SOX13: variants seen among roughly 807,000 people sequenced by gnomAD.
The protein encoded by SOX13 is SRY-box transcription factor 13.
Under a neutral mutation model 71.8 loss-of-function variants are expected in SOX13, and 28 were observed. The observed-to-expected ratio is 0.39, with a 90% CI of 0.29 to 0.53. The LOEUF is 0.53. SOX13 is among the 20% of genes least tolerant of loss of function. The pLI is 0.70. For missense variants in SOX13, 627 were observed against 810.3 expected, an observed-to-expected ratio of 0.77 and a Z score of 2.75; for synonymous variants, 309 against 317.8, an observed-to-expected ratio of 0.97 and a Z score of 0.29.
At position 204,099,634 on chromosome 1, in the gene SOX13, A is replaced by C. The variant is rs1343371111; in HGVS notation, c.-1-13281A>C. On this transcript the variant is annotated intron_variant, in intron 1 of 13. Coordinates refer to ENST00000367204, the MANE Select transcript of SOX13 (RefSeq NM_005686.3). ...CATCATGTTGCCCAGGCTGGTCTTG[A>C]ACTCCTGGGCTCAAGCAGTCCTCCC... 2.6e-5 allele frequency among the ~76,000 whole-genome samples: 4 copies of C among 151,410 alleles called. 1 individual carries two copies. The highest frequency in any genetic ancestry group is 5.9e-5 in the Non-Finnish European group (4 of 67,868).
At chr1:204,122,817 C>A (rs755244614) in intron 9 of SOX13, 37 bp from the exon 10 acceptor site, 30 of 1,345,378 alleles carry the variant, frequency 2.2e-5, no homozygotes, top group Non-Finnish European at 1.4e-5. Flanking sequence ...CTCAGCTTCT[C>A]TCGCTTCTCT....
At chr1:204,096,095 A>G (rs1363714513) in intron 1 of SOX13, among the ~76,000 whole-genome samples, 2 of 151,888 alleles carry the variant, frequency 1.3e-5, no homozygotes, top group African/African-American at 4.8e-5. Context: ...GTTGTTTCCC[A>G]TTTTGGTTGT....
intron 13 of SOX13, among the ~76,000 whole-genome samples, chr1:204,125,116 GA>G (rs895431823): frequency 2.6e-5 from 4 of 152,124 alleles, no homozygotes; most frequent in Admixed American, 6.6e-5. Flanking sequence ...CGTGGACCTG[GA>G]GAAAGTGCCT....
chr1:204,110,126 C>G (rs1377628644), intron 1 of SOX13, among the ~76,000 whole-genome samples: 1 of 152,122 alleles, frequency 6.6e-6, no homozygotes, highest in Non-Finnish European at 1.5e-5. Flanking sequence ...GCCGCCGCGT[C>G]TGGCCAGTTG....
rs1016013276 is a variant in SOX13 at position 204,085,912 on chromosome 1, G to C, written c.-2+12201G>C. Among the ~76,000 whole-genome samples, 31 of 151,496 alleles carry C rather than the reference G, an allele frequency of 2.0e-4. 1 individual carries two copies. The highest frequency in any genetic ancestry group is 7.5e-4 in the African/African-American group (31 of 41,208). ...GGTGAATGGTGTGAACCCGGGAGGC[G>C]GAGCAGTGATCGTGCCACTGCACTT... On this transcript the variant is annotated intron_variant, in intron 1 of 13. Transcript: ENST00000367204.
intron 1 of SOX13, among the ~76,000 whole-genome samples, chr1:204,104,120 T>TGCTGAGG (rs1190844288): frequency 6.6e-6 from 1 of 152,162 alleles, no homozygotes; most frequent in East Asian, 1.9e-4. Context: ...TGGACTGTGA[T>TGCTGAGG]TCTGTACCTG....
chr1:204,075,850 C>T (rs78715462), intron 1 of SOX13, among the ~76,000 whole-genome samples: 1 of 152,172 alleles, frequency 6.6e-6, no homozygotes, highest in Non-Finnish European at 1.5e-5. Flanking sequence ...ATAATAAGTG[C>T]TAGGTAAATA....
intron 1 of SOX13, among the ~76,000 whole-genome samples, chr1:204,075,096 C>T (rs544912453): frequency 2.0e-5 from 3 of 152,212 alleles, no homozygotes; most frequent in Non-Finnish European, 4.4e-5. Flanking sequence ...CCAGTATCCC[C>T]CAAAGGATCA....
chr1:204,099,389 T>G (rs911683355), intron 1 of SOX13, among the ~76,000 whole-genome samples: 1 of 150,808 alleles, frequency 6.6e-6, no homozygotes, highest in African/African-American at 2.4e-5. Flanking sequence ...CTGCCTGGGC[T>G]CAAATCATGT....
At chr1:204,120,531 C>T (rs1459309974) in intron 7 of SOX13, among the ~76,000 whole-genome samples, 3 of 152,240 alleles carry the variant, frequency 2.0e-5, no homozygotes, top group African/African-American at 7.2e-5. Flanking sequence ...GCATGGGCTC[C>T]GTACTCCTGA....
intron 1 of SOX13, among the ~76,000 whole-genome samples, chr1:204,107,784 C>T (rs1290470016): frequency 3.3e-5 from 5 of 152,286 alleles, no homozygotes; most frequent in Non-Finnish European, 5.9e-5. Flanking sequence ...CAAGTGGGCC[C>T]AGAGGATACC....
At chr1:204,074,164 G>C (rs555670842) in intron 1 of SOX13, 1 of 152,300 alleles carries the variant, frequency 6.6e-6, no homozygotes, top group Admixed American at 6.5e-5. Context: ...CGCGTCCTGC[G>C]TGGGGCTCAG....
intron 6 of SOX13, 49 bp downstream of exon 6, chr1:204,117,239 T>G: frequency 1.3e-6 from 2 of 1,541,250 alleles, no homozygotes; most frequent in Non-Finnish European, 1.8e-6. Context: ...TTGAGGGAGT[T>G]GACACCGGCC....
chr1:204,123,613 T>C lies in SOX13; in HGVS notation c.1232-48T>C. The C allele has an allele frequency of 1.3e-6, 2 of 1,596,298 alleles. No individual in the cohort carries two copies. Among genetic ancestry groups the C allele is most frequent in the Non-Finnish European group, 1.7e-6 (2 of 1,170,384 alleles). ...TCTCTCTGCTGGCCCTGGGGCACTC[T>C]CCTGACCCCAGACAGGCTGCTTGGC... On this transcript the variant is annotated intron_variant, in intron 11 of 13. Coordinates refer to ENST00000367204, the MANE Select transcript of SOX13 (RefSeq NM_005686.3). This position sits in a 1 kb window ranked among gnomAD's most constrained non-coding sequence, Gnocchi z 5.0.
chr1:204,112,585 T>C (rs1219103542), intron 1 of SOX13, among the ~76,000 whole-genome samples: 1 of 151,946 alleles, frequency 6.6e-6, no homozygotes. Flanking sequence ...AGCCAGTCAG[T>C]ATCTGGCCTC....
chr1:204,116,787 G>C, intron 5 of SOX13, 108 bp downstream of exon 5: 1 of 1,527,310 alleles, frequency 6.5e-7, no homozygotes, highest in Non-Finnish European at 8.8e-7. Flanking sequence ...CTGGGGCCTG[G>C]GGGCAGGCTG....
At chr1:204,121,082 C>T (rs901379119) in intron 7 of SOX13, among the ~76,000 whole-genome samples, 8 of 151,360 alleles carry the variant, frequency 5.3e-5, no homozygotes, top group African/African-American at 1.5e-4. Flanking sequence ...TGGGTTCAAG[C>T]GATTCTCCTG....
intron 1 of SOX13, among the ~76,000 whole-genome samples, chr1:204,075,345 C>T (rs1182723214): frequency 6.6e-6 from 1 of 152,248 alleles, no homozygotes; most frequent in Non-Finnish European, 1.5e-5. Context: ...GGCTCCCCGG[C>T]TCCCTGACTC....
chr1:204,096,812 A>T (rs1054253497), intron 1 of SOX13, among the ~76,000 whole-genome samples: 2 of 151,998 alleles, frequency 1.3e-5, no homozygotes, highest in Non-Finnish European at 2.9e-5. Context: ...TTACATTCCC[A>T]TCAGAAATTC....
Sources: allele counts gnomAD v4.1 joint callset (sites outside exome capture counted in the v4.1 genomes callset), GRCh38; gene constraint gnomAD v4.1.1; non-coding constraint Gnocchi (gnomAD v3.1); transcripts MANE v1.5; gene names NCBI Gene and HGNC (gene_info 2026-07-23, HGNC 2026-07-21).